The following KCNJ6 variants were observed in gnomAD, a reference collection of about 807,000 sequenced individuals.
KCNJ6 encodes potassium inwardly rectifying channel subfamily J member 6, also known as G protein-activated inward rectifier potassium channel 2.
Under a neutral mutation model 34.2 loss-of-function variants are expected in KCNJ6, and 9 were observed. The ratio of observed to expected loss-of-function variants is 0.26; its 90% CI spans 0.16 to 0.46. KCNJ6 has a LOEUF of 0.46. Among genes scored for constraint, KCNJ6 ranks in the 20% least tolerant of loss-of-function variants. The probability of loss-of-function intolerance (pLI) is 1.00; values close to 1 mark genes in which losing one functional copy is unlikely to be tolerated. For missense variants in KCNJ6, 236 were observed against 531.3 expected, an observed-to-expected ratio of 0.44 and a Z score of 5.46; for synonymous variants, 196 against 207.1, an observed-to-expected ratio of 0.95 and a Z score of 0.46.
At chr21:37,625,576 A>C in intron 3 of KCNJ6, 92 bp from the exon 4 acceptor site, 1 of 877,552 alleles carries the variant, frequency 1.1e-6, no homozygotes, top group Non-Finnish European at 1.8e-6. Context: ...TACTGCATGC[A>C]GCTGTTGAGA....
At chr21:37,824,813 T>C (rs2055391027) in intron 2 of KCNJ6, among the ~76,000 whole-genome samples, 1 of 152,200 alleles carries the variant, frequency 6.6e-6, no homozygotes, top group Admixed American at 6.5e-5. Context: ...TAAACCTCTT[T>C]TCTTTATAAA....
chr21:37,614,504 G>GCA lies in KCNJ6; in HGVS notation c.*10654_*10655insTG, dbSNP rs1556008431. 39,448 of 140,606 alleles carry GCA rather than the reference G, an allele frequency of 0.28. 6,006 individuals are homozygous for GCA. Among genetic ancestry groups the GCA allele is most frequent in the South Asian group, 0.31 (1,335 of 4,304 alleles). 8.7% of individuals were successfully genotyped at this position (140,606 alleles called of 1,614,324 possible). A position where few individuals can be genotyped will look rare whatever the true frequency, so the allele number is the denominator to read the frequency against. On this transcript the variant is annotated 3_prime_UTR_variant, in exon 4 of 4. Coordinates refer to ENST00000609713, the MANE Select transcript of KCNJ6 (RefSeq NM_002240.5). ...CATGTGTCTGTGTGCGTGTATGCATGTGTCTCTGTATGCATGTGTGTATGC... is the reference window on the plus strand; with the variant it reads ...CATGTGTCTGTGTGCGTGTATGCATGCATGTCTCTGTATGCATGTGTGTATGC...
Position 37,714,186 on chromosome 21 carries a change from C to T in KCNJ6, c.946+25G>A. The T allele has an allele frequency of 2.0e-6, 3 of 1,525,666 alleles. No homozygotes were observed. Among genetic ancestry groups the T allele is most frequent in the African/African-American group, 1.4e-5 (1 of 73,166 alleles). 94.5% of individuals were successfully genotyped at this position (1,525,666 alleles called of 1,614,324 possible). ...TTAAAATGAGCATCTATCCCACAGCCATCCCAGGATAGAACACATCTTACC... is the reference window on the plus strand; with the variant it reads ...TTAAAATGAGCATCTATCCCACAGCTATCCCAGGATAGAACACATCTTACC... On this transcript the variant is annotated intron_variant, in intron 3 of 3. Coordinates refer to ENST00000609713, the MANE Select transcript of KCNJ6 (RefSeq NM_002240.5). This position sits in a 1 kb window ranked among gnomAD's most constrained non-coding sequence, Gnocchi z 5.9.
intron 2 of KCNJ6, among the ~76,000 whole-genome samples, chr21:37,716,809 A>G (rs2054793952): frequency 1.3e-5 from 2 of 152,256 alleles, no homozygotes; most frequent in African/African-American, 4.8e-5. Flanking sequence ...GTTTAAAAGC[A>G]TATAATCCAC....
At position 37,616,615 on chromosome 21, in the gene KCNJ6, A is replaced by ATATG. The variant is rs1491055642; in HGVS notation, c.*8543_*8544insCATA. ...CATATATATATATATATATATATAT[A>ATATG]TGGTTAGACTCTGAACATATACGCT... On this transcript the variant is annotated 3_prime_UTR_variant, in exon 4 of 4. Transcript: ENST00000609713. The ATATG allele has an allele frequency of 7.6e-6, 1 of 131,578 alleles. No individual in the cohort carries two copies. Among genetic ancestry groups the ATATG allele is most frequent in the African/African-American group, 2.9e-5 (1 of 33,934 alleles). 8.2% of individuals were successfully genotyped at this position (131,578 alleles called of 1,614,324 possible). A position where few individuals can be genotyped will look rare whatever the true frequency, so the allele number is the denominator to read the frequency against.
At chr21:37,787,798 G>A (rs1024549016) in intron 2 of KCNJ6, among the ~76,000 whole-genome samples, 10 of 152,160 alleles carry the variant, frequency 6.6e-5, no homozygotes, top group Non-Finnish European at 1.0e-4. Context: ...ACTGGAAAAG[G>A]AAGTATGAGA....
At chr21:37,673,334 G>C (rs889047705) in intron 3 of KCNJ6, among the ~76,000 whole-genome samples, 2 of 152,258 alleles carry the variant, frequency 1.3e-5, no homozygotes, top group Non-Finnish European at 2.9e-5. Context: ...TCCATCTCCA[G>C]CTGGACTGTC....
chr21:37,750,218 G>C (rs1466077611), intron 2 of KCNJ6, among the ~76,000 whole-genome samples: 1 of 152,184 alleles, frequency 6.6e-6, no homozygotes, highest in Non-Finnish European at 1.5e-5. Flanking sequence ...TCATTAAAAA[G>C]TCAGGAAACA....
At chr21:37,730,661 ATC>A (rs2054879634) in intron 2 of KCNJ6, among the ~76,000 whole-genome samples, 1 of 152,228 alleles carries the variant, frequency 6.6e-6, no homozygotes, top group African/African-American at 2.4e-5. Flanking sequence ...GGGCAGACCC[ATC>A]TGGAAGCTAA....
At chr21:37,836,018 C>T (rs907153086) in intron 2 of KCNJ6, among the ~76,000 whole-genome samples, 1 of 152,104 alleles carries the variant, frequency 6.6e-6, no homozygotes, top group African/African-American at 2.4e-5. Context: ...CCAGAATCTA[C>T]AAATAACTTA....
At chr21:37,697,182 G>A (rs2054667397) in intron 3 of KCNJ6, among the ~76,000 whole-genome samples, 1 of 152,200 alleles carries the variant, frequency 6.6e-6, no homozygotes, top group Admixed American at 6.5e-5. Context: ...AATTCTGCCT[G>A]GAGAAATGTC....
chr21:37,632,722 TATA>T (rs2054339420), intron 3 of KCNJ6, among the ~76,000 whole-genome samples: 1 of 152,282 alleles, frequency 6.6e-6, no homozygotes, highest in Non-Finnish European at 1.5e-5. Context: ...AAAAGGAGAT[TATA>T]ATAACTTAAA....
chr21:37,672,225 C>T (rs1417797351), intron 3 of KCNJ6, among the ~76,000 whole-genome samples: 2 of 151,988 alleles, frequency 1.3e-5, no homozygotes, highest in African/African-American at 4.8e-5. Flanking sequence ...TCCTTAAGGA[C>T]AATGAGATGC....
intron 3 of KCNJ6, among the ~76,000 whole-genome samples, chr21:37,679,761 C>G (rs978089251): frequency 6.6e-6 from 1 of 152,146 alleles, no homozygotes; most frequent in Admixed American, 6.5e-5. Flanking sequence ...TTACACTCAG[C>G]CTGGCACTCT....
intron 2 of KCNJ6, among the ~76,000 whole-genome samples, chr21:37,744,960 T>A (rs2054959699): frequency 6.6e-6 from 1 of 152,142 alleles, no homozygotes; most frequent in Non-Finnish European, 1.5e-5. Context: ...GAATGGAGGT[T>A]GTCAGTCAGC....
At chr21:37,898,587 GAAAAAAAA>G (rs112946268) in intron 1 of KCNJ6, among the ~76,000 whole-genome samples, 22 of 89,058 alleles carry the variant, frequency 2.5e-4, no homozygotes, top group Non-Finnish European at 3.2e-4. Context: ...CATCTCAAAA[GAAAAAAAA>G]AAAAAAGAAA....
At chr21:37,721,672 G>A (rs923074471) in intron 2 of KCNJ6, among the ~76,000 whole-genome samples, 19 of 152,136 alleles carry the variant, frequency 1.2e-4, no homozygotes, top group Admixed American at 1.1e-3. Context: ...AGACACAAAA[G>A]GACAAACATA....
At chr21:37,735,710 G>T in intron 2 of KCNJ6, among the ~76,000 whole-genome samples, 1 of 152,200 alleles carries the variant, frequency 6.6e-6, no homozygotes, top group East Asian at 1.9e-4. Context: ...ACAGCTGGAG[G>T]CAGAGGACAC....
At chr21:37,694,434 T>G (rs2054654863) in intron 3 of KCNJ6, among the ~76,000 whole-genome samples, 1 of 152,226 alleles carries the variant, frequency 6.6e-6, no homozygotes, top group Admixed American at 6.5e-5. Context: ...ACTGCCTGAC[T>G]GTGGAATAAG....
Sources: allele counts gnomAD v4.1 joint callset (sites outside exome capture counted in the v4.1 genomes callset), GRCh38; gene constraint gnomAD v4.1.1; non-coding constraint Gnocchi (gnomAD v3.1); transcripts MANE v1.5; gene names NCBI Gene and HGNC (gene_info 2026-07-23, HGNC 2026-07-21).